UCK2: variants seen among roughly 807,000 people sequenced by gnomAD.
The protein encoded by UCK2 is uridine-cytidine kinase 2.
UCK2 carries 6 observed loss-of-function variants against 30.8 expected under a neutral mutation model. That is an observed-to-expected ratio of 0.19 (90% CI 0.11 to 0.38). The LOEUF (loss-of-function observed/expected upper bound fraction) is 0.38, where lower values mean the gene tolerates loss of function less well. Ranked by LOEUF, UCK2 falls within the 10% of genes least tolerant of loss-of-function variation. UCK2 has a pLI of 1.00. For missense variants in UCK2, 210 were observed against 339.8 expected (o/e 0.62, Z 3.00); for synonymous variants, 125 against 133.6 (o/e 0.94, Z 0.45).
intron 3 of UCK2, chr1:165,895,518 C>T: frequency 1.0e-6 from 1 of 985,424 alleles, no homozygotes; most frequent in Non-Finnish European, 1.2e-6. Flanking sequence ...CATATTTCTG[C>T]TTTATTGATA....
chr1:165,890,159 C>T (rs370513561), intron 1 of UCK2, 45 bp from the exon 2 acceptor site: 196 of 1,609,326 alleles, frequency 1.2e-4, no homozygotes, highest in Non-Finnish European at 1.5e-4. Flanking sequence ...CTGTACCACA[C>T]GTGCCCTTTC....
At chr1:165,897,086 G>C (rs888471638) in intron 4 of UCK2, among the ~76,000 whole-genome samples, 22 of 152,230 alleles carry the variant, frequency 1.4e-4, no homozygotes, top group Non-Finnish European at 5.9e-5. Context: ...GAAGGTGCAC[G>C]GCAGAGATGT....
chr1:165,848,589 T>G (rs893828918), intron 1 of UCK2, among the ~76,000 whole-genome samples: 1 of 151,836 alleles, frequency 6.6e-6, no homozygotes, highest in Admixed American at 6.6e-5. Context: ...GCTGAGATCA[T>G]GCTGCTGCAC....
intron 4 of UCK2, among the ~76,000 whole-genome samples, chr1:165,897,292 GTTCTGACA>G (rs1233853782): frequency 1.3e-5 from 2 of 152,258 alleles, no homozygotes; most frequent in African/African-American, 4.8e-5. Context: ...TTGGACACTG[GTTCTGACA>G]AAGGAAATGT....
intron 5 of UCK2, 64 bp from the exon 6 acceptor site, chr1:165,905,857 G>A: frequency 1.3e-6 from 2 of 1,502,778 alleles, no homozygotes; most frequent in Non-Finnish European, 1.9e-6. Flanking sequence ...TATTCCCTTG[G>A]AGAGGGTCTC....
At chr1:165,885,236 ATGG>A in intron 1 of UCK2, 1 of 393,948 alleles carries the variant, frequency 2.5e-6, no homozygotes, top group Middle Eastern at 6.4e-4. Context: ...AGTTAGACCT[ATGG>A]TTTGAGACTC....
intron 1 of UCK2, among the ~76,000 whole-genome samples, chr1:165,859,013 G>T (rs1222734441): frequency 4.6e-5 from 7 of 152,176 alleles, no homozygotes; most frequent in Non-Finnish European, 1.0e-4. Context: ...CTTCTGCTGG[G>T]ATTGCTACAA....
At chr1:165,889,789 C>T (rs112367158) in intron 1 of UCK2, among the ~76,000 whole-genome samples, 4,661 of 151,266 alleles carry the variant, frequency 0.031, 248 homozygotes, top group African/African-American at 0.11. Flanking sequence ...TTTCATCACC[C>T]AGGTATTAAG....
chr1:165,839,868 C>G (rs779971967), intron 1 of UCK2, among the ~76,000 whole-genome samples: 1 of 152,194 alleles, frequency 6.6e-6, no homozygotes, highest in African/African-American at 2.4e-5. Context: ...TTGCCGGTAC[C>G]GTGATTCATG....
At chr1:165,842,058 C>T (rs556019398) in intron 1 of UCK2, among the ~76,000 whole-genome samples, 10 of 152,298 alleles carry the variant, frequency 6.6e-5, no homozygotes, top group South Asian at 2.1e-4. Context: ...CTCTAAATCC[C>T]GTTGGAGCTG....
chr1:165,861,484 C>T (rs917311934), intron 1 of UCK2, among the ~76,000 whole-genome samples: 6 of 150,662 alleles, frequency 4.0e-5, no homozygotes, highest in East Asian at 2.0e-4. Context: ...AAAAATTAGC[C>T]GGGCGTAGTG....
chr1:165,835,329 A>G (rs1164474846), intron 1 of UCK2, among the ~76,000 whole-genome samples: 3 of 151,482 alleles, frequency 2.0e-5, no homozygotes, highest in Non-Finnish European at 4.4e-5. Context: ...ATATTTTTAT[A>G]TGTTGTAAAA....
At position 165,903,258 on chromosome 1, in the gene UCK2, C is replaced by T. The variant is rs767734275; in HGVS notation, c.576C>T (p.Ala192=). Residue 192 remains alanine, a synonymous_variant, in exon 5 of 7, where the codon GCC becomes GCT. Transcript: ENST00000367879. The stretch of plus-strand genomic sequence containing the variant: ...AGTACATTACGTTCGTCAAGCCTGC[C>T]TTTGAGGAATTCTGCTTGCCAGTGA... ...LSQYITFVKP[A]FEEFCLPTKK... is the part of the protein sequence containing the mutation. The T allele has an allele frequency of 3.1e-6, 5 of 1,613,862 alleles. No homozygotes were observed. The highest frequency in any genetic ancestry group is 4.2e-6 in the Non-Finnish European group (5 of 1,179,932).
intron 1 of UCK2, among the ~76,000 whole-genome samples, chr1:165,883,751 A>G (rs1455188844): frequency 6.6e-6 from 1 of 152,134 alleles, no homozygotes; most frequent in Non-Finnish European, 1.5e-5. Flanking sequence ...GTCCCCTTCC[A>G]TGCTGTGGAA....
At chr1:165,837,991 T>C (rs1442919707) in intron 1 of UCK2, among the ~76,000 whole-genome samples, 1 of 152,228 alleles carries the variant, frequency 6.6e-6, no homozygotes, top group Non-Finnish European at 1.5e-5. Flanking sequence ...AGAGAGCTTA[T>C]GAAGAATGGG....
At chr1:165,828,252 T>G (rs1014278359) in intron 1 of UCK2, among the ~76,000 whole-genome samples, 6 of 152,100 alleles carry the variant, frequency 3.9e-5, no homozygotes, top group Non-Finnish European at 8.8e-5. Flanking sequence ...AGCGGATGCT[T>G]ATTGTTTTGC....
At chr1:165,848,646 ACACACACACACACC>A (rs982965220) in intron 1 of UCK2, among the ~76,000 whole-genome samples, 18 of 151,324 alleles carry the variant, frequency 1.2e-4, no homozygotes, top group Non-Finnish European at 2.4e-4. Context: ...AACAAAACAC[ACACACACACACACC>A]CACACACACA....
At position 165,891,313 on chromosome 1, in the gene UCK2, C is replaced by T. The variant is rs1301709856; in HGVS notation, c.347C>T (p.Ser116Phe). 7.4e-6 allele frequency: 12 copies of T among 1,614,190 alleles called. No homozygotes were observed. The highest frequency in any genetic ancestry group is 1.7e-5 in the Admixed American group (1 of 60,032). The change falls in exon 3 of 7, where the codon TCC (serine) becomes TTC (phenylalanine). Residue 116 changes from serine (S) to phenylalanine (F), a missense_variant. Ser to Phe is a radical substitution (Grantham distance 155). This residue lies in a region of UCK2 where 75 missense variants were observed against 124.7 expected (regional missense o/e 0.60). Transcript: ENST00000367879. Reference sequence around the variant, plus strand: ...CAGATCCCCGTGTATGACTTTGTCTCCCATTCCCGGTAAGTGAGCTGTTCT... The same window carrying T: ...CAGATCCCCGTGTATGACTTTGTCTTCCATTCCCGGTAAGTGAGCTGTTCT... ...TVQIPVYDFVSHSRKEETVTV... is the reference protein window; with the variant it reads ...TVQIPVYDFVFHSRKEETVTV...
chr1:165,838,765 AGGCTG>A (rs1419897207), intron 1 of UCK2, among the ~76,000 whole-genome samples: 1 of 151,728 alleles, frequency 6.6e-6, no homozygotes, highest in Non-Finnish European at 1.5e-5. Context: ...AAAAAAAATC[AGGCTG>A]GGTGCAGTGG....
Sources: gnomAD v4.1 joint callset for allele counts (sites outside exome capture counted in the v4.1 genomes callset) on GRCh38, gnomAD v4.1.1 for gene constraint, gnomAD v4.1.1 regional missense constraint, MANE v1.5 for transcripts, NCBI Gene and HGNC (gene_info 2026-07-23, HGNC 2026-07-21) for gene names.